CEP89: variants seen among roughly 807,000 people sequenced by gnomAD.
CEP89 encodes centrosomal protein of 89 kDa.
A neutral mutation model predicts 97.6 loss-of-function variants in CEP89; 95 were observed. The observed-to-expected ratio is 0.97, with a 90% CI of 0.82 to 1.15. The LOEUF is 1.15. CEP89 is among the 50% of genes most tolerant of loss of function. CEP89 has a pLI of 0.00. For synonymous variants in CEP89, 354 were observed against 349.1 expected (o/e 1.01, Z -0.16); for missense variants, 869 against 947.7 (o/e 0.92, Z 1.09).
intron 2 of CEP89, among the ~76,000 whole-genome samples, chr19:32,965,527 C>G (rs926445164): frequency 2.0e-5 from 3 of 151,542 alleles, no homozygotes; most frequent in Non-Finnish European, 2.9e-5. Context: ...AAAACCCTAT[C>G]TCTATAAAAA....
chr19:32,902,010 C>CTGTGTGTGTGTGTGTGTGTGTGTGTG (rs929591410), intron 14 of CEP89, among the ~76,000 whole-genome samples: 1 of 133,728 alleles, frequency 7.5e-6, no homozygotes, highest in Non-Finnish European at 1.6e-5. Context: ...CTCTCTCTCT[C>CTGTGTGTGTGTGTGTGTGTGTGTGTG]TGTGTGTGTG....
intron 16 of CEP89, among the ~76,000 whole-genome samples, chr19:32,894,454 C>A (rs921338671): frequency 6.6e-6 from 1 of 152,180 alleles, no homozygotes; most frequent in Non-Finnish European, 1.5e-5. Flanking sequence ...AATGTAGCTT[C>A]CCCAATCTCC....
intron 14 of CEP89, among the ~76,000 whole-genome samples, chr19:32,906,738 G>A (rs80298134): frequency 0.051 from 7,593 of 148,808 alleles, 242 homozygotes; most frequent in South Asian, 0.15. Flanking sequence ...AATACTAATA[G>A]TTACATATAT....
intron 12 of CEP89, among the ~76,000 whole-genome samples, 190 bp downstream of exon 12, chr19:32,923,247 TAA>T (rs1490369121): frequency 1.3e-5 from 2 of 152,234 alleles, no homozygotes; most frequent in Non-Finnish European, 2.9e-5. Context: ...CTTAGAATTT[TAA>T]AAGTCATCTT....
chr19:32,915,587 GGAAA>G, intron 13 of CEP89, 70 bp from the exon 14 acceptor site: 1 of 1,337,976 alleles, frequency 7.5e-7, no homozygotes. Context: ...TGGGCTATTA[GGAAA>G]TACTAATGAG....
At chr19:32,910,587 CTTT>C (rs558101362) in intron 14 of CEP89, among the ~76,000 whole-genome samples, 1 of 152,036 alleles carries the variant, frequency 6.6e-6, no homozygotes, top group Admixed American at 6.6e-5. Context: ...AACTTTTTGA[CTTT>C]TTTATAACAC....
rs551653509 is a variant in CEP89 at position 32,916,822 on chromosome 19, C to A, written c.1385-1305G>T. Reference sequence around the variant, plus strand: ...GGTCAGGAGTTCAAGACCAGCCTGGCCAACATGGTGAAACACCCCTACTGA... The same window carrying A: ...GGTCAGGAGTTCAAGACCAGCCTGGACAACATGGTGAAACACCCCTACTGA... On this transcript the variant is annotated intron_variant, in intron 13 of 18. Transcript: ENST00000305768. 3.3e-5 allele frequency among the ~76,000 whole-genome samples: 5 copies of A among 152,148 alleles called. No homozygotes were observed. In the South Asian group the frequency reaches 1.0e-3, roughly 32 times the overall value.
chr19:32,898,513 A>AT (rs1314952068), intron 16 of CEP89, among the ~76,000 whole-genome samples: 1 of 152,220 alleles, frequency 6.6e-6, no homozygotes, highest in East Asian at 1.9e-4. Context: ...TAGGTTGACT[A>AT]AAGTTAACAA....
At chr19:32,900,394 C>T (rs1165513186) in intron 15 of CEP89, among the ~76,000 whole-genome samples, 2 of 151,626 alleles carry the variant, frequency 1.3e-5, no homozygotes, top group East Asian at 3.9e-4. Flanking sequence ...TAGAGGCATG[C>T]GCCACCACAC....
intron 9 of CEP89, among the ~76,000 whole-genome samples, chr19:32,927,971 A>G (rs1392450499): frequency 2.8e-5 from 4 of 141,128 alleles, no homozygotes; most frequent in Non-Finnish European, 6.0e-5. Flanking sequence ...GCTGGAGTAC[A>G]GTGGTATGAT....
At chr19:32,893,132 G>C (rs932205165) in intron 16 of CEP89, among the ~76,000 whole-genome samples, 5 of 151,358 alleles carry the variant, frequency 3.3e-5, no homozygotes, top group African/African-American at 1.2e-4. Flanking sequence ...ATTCAACTAT[G>C]TGCTGCCTAC....
At chr19:32,903,115 G>A (rs186739223) in intron 14 of CEP89, among the ~76,000 whole-genome samples, 1 of 151,872 alleles carries the variant, frequency 6.6e-6, no homozygotes, top group Non-Finnish European at 1.5e-5. Context: ...GCTGAGGTGG[G>A]AGGATCCCTT....
chr19:32,955,575 G>A (rs565977632), intron 3 of CEP89, among the ~76,000 whole-genome samples: 4 of 151,406 alleles, frequency 2.6e-5, no homozygotes, highest in South Asian at 2.1e-4. Flanking sequence ...GTGTGGTGGC[G>A]CGATCTCAGT....
At position 32,879,121 on chromosome 19, in the gene CEP89, T is replaced by C; in HGVS notation, c.*41A>G. ...AGGGAAGGCCTGTGTGAGGCAGACCTTTCAGGCCAGAGGAGGCTACACCAC... is the reference window on the plus strand; with the variant it reads ...AGGGAAGGCCTGTGTGAGGCAGACCCTTCAGGCCAGAGGAGGCTACACCAC... On this transcript the variant is annotated 3_prime_UTR_variant, in exon 19 of 19. Coordinates refer to ENST00000305768, the MANE Select transcript of CEP89 (RefSeq NM_032816.5). 1 of 1,524,576 alleles carries C rather than the reference T, an allele frequency of 6.6e-7. No homozygotes were observed. The highest frequency in any genetic ancestry group is 8.9e-7 in the Non-Finnish European group (1 of 1,123,086). The allele number at this position is 1,524,576 out of a possible 1,614,324, so 94.4% of individuals were successfully genotyped here.
intron 11 of CEP89, among the ~76,000 whole-genome samples, 180 bp downstream of exon 11, chr19:32,926,010 T>C (rs1970349795): frequency 6.6e-6 from 1 of 152,052 alleles, no homozygotes; most frequent in South Asian, 2.1e-4. Flanking sequence ...TCCTCCCCTC[T>C]TCCTTCTTTC....
chr19:32,890,446 G>T (rs1043581957), intron 16 of CEP89, among the ~76,000 whole-genome samples: 1 of 152,134 alleles, frequency 6.6e-6, no homozygotes, highest in Non-Finnish European at 1.5e-5. Context: ...CAGGAGGAAG[G>T]CTCAGGGTGG....
chr19:32,893,534 T>C (rs768752904), intron 16 of CEP89, among the ~76,000 whole-genome samples: 48 of 152,182 alleles, frequency 3.2e-4, no homozygotes, highest in Non-Finnish European at 5.6e-4. Flanking sequence ...AATGACCTAA[T>C]AGACATTTAC....
At chr19:32,958,024 C>T (rs1365594772) in intron 3 of CEP89, among the ~76,000 whole-genome samples, 3 of 150,410 alleles carry the variant, frequency 2.0e-5, no homozygotes, top group Non-Finnish European at 4.4e-5. Flanking sequence ...CCCCCCCCCG[C>T]CAAAAAATAA....
intron 1 of CEP89, chr19:32,970,593 T>A (rs1971380642): frequency 6.6e-6 from 1 of 152,004 alleles, no homozygotes; most frequent in Admixed American, 6.6e-5. Context: ...GCCTCTCGGG[T>A]TTAAGCGATT....
Sources: gnomAD v4.1 joint callset for allele counts (sites outside exome capture counted in the v4.1 genomes callset) on GRCh38, gnomAD v4.1.1 for gene constraint, MANE v1.5 for transcripts, NCBI Gene and HGNC (gene_info 2026-07-23, HGNC 2026-07-21) for gene names.